The following ASPH variants were observed in gnomAD, a reference collection of about 807,000 sequenced individuals.
ASPH encodes the protein aspartate beta-hydroxylase.
A neutral mutation model predicts 118.4 loss-of-function variants in ASPH; 100 were observed. The observed-to-expected ratio is 0.84, with a 90% CI of 0.72 to 1.00. The LOEUF is 1.00. ASPH is among the 50% of genes least tolerant of loss of function. The pLI is 0.00. For synonymous variants in ASPH, 315 were observed against 325.6 expected, an observed-to-expected ratio of 0.97 and a Z score of 0.35; for missense variants, 920 against 919.5, an observed-to-expected ratio of 1.00 and a Z score of -0.01.
chr8:61,503,507 G>A lies in ASPH; in HGVS notation c.2129C>T (p.Thr710Ile), dbSNP rs747672605. ...CKIRCANETKTWEEGKVLIFD... is the reference protein window; with the variant it reads ...CKIRCANETKIWEEGKVLIFD... ...GATGAGCACCTTGCCTTCCTCCCAG[G>A]TCCTGCAGCAGAAAGACAAGGATTC... The change falls in exon 25 of 25, where the codon ACC becomes ATC. Residue 710 changes from threonine (T) to isoleucine (I), a missense_variant and splice_region_variant. Transcript: ENST00000379454. The A allele has an allele frequency of 6.2e-7, 1 of 1,610,092 alleles. No homozygotes were observed. The highest frequency in any genetic ancestry group is 1.1e-5 in the South Asian group (1 of 90,292).
At chr8:61,658,636 T>C (rs1815064636) in intron 3 of ASPH, 1 of 152,176 alleles carries the variant, frequency 6.6e-6, no homozygotes, top group Non-Finnish European at 1.5e-5. Flanking sequence ...AATGAGATAA[T>C]TTAAATAAGT....
chr8:61,675,462 C>T lies in ASPH; in HGVS notation c.322+5506G>A, dbSNP rs570280871. On this transcript the variant is annotated intron_variant, in intron 3 of 24. Coordinates refer to ENST00000379454, the MANE Select transcript of ASPH (RefSeq NM_004318.4). ...AACAGTAAGTTAACTTACTCTAAGG[C>T]AAAAACATGGAGTTATTTTTAAATT... 8 of 984,502 alleles carry T rather than the reference C, an allele frequency of 8.1e-6. No individual in the cohort carries two copies. In the African/African-American group the frequency reaches 1.2e-4, roughly 15 times the overall value. The allele number at this position is 984,502 out of a possible 1,614,324, so 61.0% of individuals were successfully genotyped here.
chr8:61,515,838 C>T (rs1448383759), intron 24 of ASPH, among the ~76,000 whole-genome samples: 13 of 152,172 alleles, frequency 8.5e-5, no homozygotes, highest in Admixed American at 8.5e-4. Flanking sequence ...TCACCTCTTG[C>T]ATCTGCTCTC....
intron 17 of ASPH, among the ~76,000 whole-genome samples, chr8:61,564,762 A>G (rs1211286748): frequency 1.3e-5 from 2 of 152,198 alleles, no homozygotes; most frequent in Non-Finnish European, 1.5e-5. Context: ...TAATCATCAC[A>G]TGGACTTTAG....
chr8:61,544,602 C>A (rs1823106670), intron 21 of ASPH, among the ~76,000 whole-genome samples: 2 of 152,120 alleles, frequency 1.3e-5, no homozygotes, highest in Non-Finnish European at 1.5e-5. Context: ...TCAGGAAAAA[C>A]CAAGGATACC....
In ASPH at chr8:61,548,212, A is replaced by G; in HGVS notation, c.1627-4T>C. The G allele has an allele frequency of 1.9e-6, 3 of 1,611,586 alleles. No individual in the cohort carries two copies. The highest frequency in any genetic ancestry group is 2.5e-6 in the Non-Finnish European group (3 of 1,178,826). ...CAAGCTCATACCACTTATATGCCTG[A>G]AGGAACAGAAAGAATGTGCTCCAAA... On this transcript the variant is annotated splice_polypyrimidine_tract_variant and splice_region_variant and intron_variant, in intron 20 of 24. Transcript: ENST00000379454.
At chr8:61,607,844 T>C (rs1384829097) in intron 14 of ASPH, among the ~76,000 whole-genome samples, 2 of 152,226 alleles carry the variant, frequency 1.3e-5, no homozygotes, top group African/African-American at 4.8e-5. Flanking sequence ...GTAAATGACA[T>C]GTCCCCACAT....
chr8:61,583,953 G>C lies in ASPH; in HGVS notation c.1053C>G (p.Leu351=), dbSNP rs764311951. The C allele has an allele frequency of 1.9e-6, 3 of 1,580,464 alleles. No homozygotes were observed. Among genetic ancestry groups the C allele is most frequent in the Non-Finnish European group, 1.7e-6 (2 of 1,160,888 alleles). ...AAAAATATCAACCTACCCTTTTACG[G>C]AGTTTTTCTGCAGCATCAAGTTCAG... is the stretch of plus-strand genomic sequence containing the variant. The part of the protein sequence containing the change: ...IKAELDAAEK[L]RKRGKIEEAV... Residue 351 remains leucine, a synonymous_variant, in exon 15 of 25, where the codon CTC becomes CTG. Coordinates refer to ENST00000379454, the MANE Select transcript of ASPH (RefSeq NM_004318.4).
At chr8:61,637,672 G>A (rs1858457373) in intron 12 of ASPH, among the ~76,000 whole-genome samples, 1 of 152,154 alleles carries the variant, frequency 6.6e-6, no homozygotes, top group Non-Finnish European at 1.5e-5. Flanking sequence ...ACTCAGGGTA[G>A]CCCTCCACAC....
intron 1 of ASPH, among the ~76,000 whole-genome samples, chr8:61,697,958 T>C (rs1053682193): frequency 1.3e-5 from 2 of 151,234 alleles, no homozygotes; most frequent in African/African-American, 4.9e-5. Flanking sequence ...ATGCAGCTAA[T>C]TAGAAAAAAA....
intron 3 of ASPH, chr8:61,665,594 G>T: frequency 6.4e-7 from 1 of 1,573,894 alleles, no homozygotes. Flanking sequence ...CTCTTCTTTA[G>T]TGAGTTCTTT....
intron 24 of ASPH, among the ~76,000 whole-genome samples, chr8:61,515,723 C>T (rs769289266): frequency 2.0e-5 from 3 of 152,152 alleles, no homozygotes; most frequent in Non-Finnish European, 4.4e-5. Context: ...CCTCATGCCT[C>T]CCAAATTCCC....
chr8:61,572,460 C>G (rs1201850617), intron 16 of ASPH, among the ~76,000 whole-genome samples: 1 of 152,178 alleles, frequency 6.6e-6, no homozygotes, highest in Non-Finnish European at 1.5e-5. Flanking sequence ...ATAAGACCAA[C>G]AGCAAACTCT....
chr8:61,583,165 C>T (rs1376938440), intron 15 of ASPH: 1 of 152,012 alleles, frequency 6.6e-6, no homozygotes, highest in Non-Finnish European at 1.5e-5. Flanking sequence ...CAATTACTAT[C>T]CTGAGTAATG....
At chr8:61,572,795 G>C (rs1232951695) in intron 16 of ASPH, among the ~76,000 whole-genome samples, 1 of 152,116 alleles carries the variant, frequency 6.6e-6, no homozygotes. Flanking sequence ...AAAACAACCA[G>C]ACTGTTGGCA....
chr8:61,672,357 G>A (rs1006878631), intron 3 of ASPH, among the ~76,000 whole-genome samples: 6 of 152,054 alleles, frequency 3.9e-5, no homozygotes, highest in African/African-American at 1.4e-4. Context: ...ATTACATCCA[G>A]AGACAGAGAA....
chr8:61,666,904 T>G (rs1216426743), intron 3 of ASPH, among the ~76,000 whole-genome samples: 1 of 152,216 alleles, frequency 6.6e-6, no homozygotes, highest in Non-Finnish European at 1.5e-5. Flanking sequence ...GAAAACTGCT[T>G]TTAAAAAATT....
intron 14 of ASPH, among the ~76,000 whole-genome samples, chr8:61,615,801 A>C (rs566881333): frequency 6.6e-6 from 1 of 152,218 alleles, no homozygotes. Flanking sequence ...TGCCTTAAAA[A>C]AATTTCAGTT....
At chr8:61,696,402 A>G (rs948094367) in intron 1 of ASPH, among the ~76,000 whole-genome samples, 2 of 152,246 alleles carry the variant, frequency 1.3e-5, no homozygotes, top group Non-Finnish European at 2.9e-5. Context: ...ATACCCAGCT[A>G]AGGAGCTACT....
Sources: gnomAD v4.1 joint callset for allele counts (sites outside exome capture counted in the v4.1 genomes callset) on GRCh38, gnomAD v4.1.1 for gene constraint, MANE v1.5 for transcripts, NCBI Gene and HGNC (gene_info 2026-07-23, HGNC 2026-07-21) for gene names.